The following GARRE1 variants were observed in gnomAD, a reference collection of about 807,000 sequenced individuals.
The protein encoded by GARRE1 is granule associated Rac and RHOG effector 1.
Under a neutral mutation model 103.2 loss-of-function variants are expected in GARRE1, and 49 were observed. The observed-to-expected ratio is 0.47, with a 90% CI of 0.38 to 0.60. GARRE1 has a LOEUF of 0.60. Among genes scored for constraint, GARRE1 ranks in the 20% least tolerant of loss-of-function variants. The pLI is 0.00. For missense variants in GARRE1, 1,199 were observed against 1,370.5 expected, an observed-to-expected ratio of 0.87 and a Z score of 1.98; for synonymous variants, 505 against 532.8, an observed-to-expected ratio of 0.95 and a Z score of 0.72.
intron 1 of GARRE1, among the ~76,000 whole-genome samples, chr19:34,271,037 T>C (rs1261660412): frequency 1.3e-5 from 2 of 152,190 alleles, no homozygotes; most frequent in African/African-American, 2.4e-5. Context: ...TTTCCCCACT[T>C]GTTGAGAACC....
At chr19:34,273,058 C>T (rs1436200376) in intron 1 of GARRE1, among the ~76,000 whole-genome samples, 1 of 152,162 alleles carries the variant, frequency 6.6e-6, no homozygotes, top group Non-Finnish European at 1.5e-5. Context: ...CAAAAATTAG[C>T]CAGGTGTGTG....
Position 34,353,018 on chromosome 19 carries a change from C to T in GARRE1, c.*63C>T. The T allele has an allele frequency of 2.8e-6, 4 of 1,415,552 alleles. No homozygotes were observed. Among genetic ancestry groups the T allele is most frequent in the Non-Finnish European group, 3.8e-6 (4 of 1,060,674 alleles). 87.7% of individuals were successfully genotyped at this position (1,415,552 alleles called of 1,614,324 possible). On this transcript the variant is annotated 3_prime_UTR_variant, in exon 14 of 14. Transcript: ENST00000299505. ...CGCCCAGAGCTGTGGGGATGAGTGT[C>T]CCCACCCCAGGGCCACTTAGCTGAC...
chr19:34,302,410 A>G (rs2073984830), intron 2 of GARRE1, among the ~76,000 whole-genome samples: 1 of 146,154 alleles, frequency 6.8e-6, no homozygotes, highest in Non-Finnish European at 1.5e-5. Context: ...TCTCTGCCTC[A>G]GCCTCCCGAG....
At chr19:34,288,480 T>C (rs1354507826) in intron 1 of GARRE1, among the ~76,000 whole-genome samples, 1 of 152,178 alleles carries the variant, frequency 6.6e-6, no homozygotes, top group Non-Finnish European at 1.5e-5. Flanking sequence ...CAGAATTGCT[T>C]TCGTCTGGGC....
chr19:34,260,211 A>G (rs1239531524), intron 1 of GARRE1, among the ~76,000 whole-genome samples: 1 of 152,242 alleles, frequency 6.6e-6, no homozygotes, highest in Non-Finnish European at 1.5e-5. Flanking sequence ...AAAGTTTACC[A>G]CTTGCTGAAG....
At position 34,255,461 on chromosome 19, in the gene GARRE1, A is replaced by T. The variant is rs1254088928; in HGVS notation, c.-796+847A>T. 3.3e-5 allele frequency among the ~76,000 whole-genome samples: 5 copies of T among 152,228 alleles called. No individual in the cohort carries two copies. In the South Asian group the frequency reaches 1.0e-3, roughly 31 times the overall value. On this transcript the variant is annotated intron_variant, in intron 1 of 13. Coordinates refer to ENST00000299505, the MANE Select transcript of GARRE1 (RefSeq NM_014686.5). ...CTGGCAAAACACTCAAGACGACACA[A>T]AAAGTCTTAAGGTAGAAAATGACAG... is the stretch of plus-strand genomic sequence containing the variant.
intron 12 of GARRE1, among the ~76,000 whole-genome samples, chr19:34,350,004 A>C (rs1035331495): frequency 5.3e-5 from 8 of 152,204 alleles, no homozygotes; most frequent in African/African-American, 1.9e-4. Context: ...GGCTACAGTG[A>C]GCTGTGTTTG....
At chr19:34,294,211 C>T (rs992821084) in intron 1 of GARRE1, among the ~76,000 whole-genome samples, 3 of 150,770 alleles carry the variant, frequency 2.0e-5, no homozygotes, top group Admixed American at 6.6e-5. Context: ...CTTGGGGTCA[C>T]GAGTTCAAGG....
Position 34,351,538 on chromosome 19 carries a change from C to G in GARRE1, c.2850C>G (p.Asp950Glu), listed in dbSNP as rs1402547498. The G allele has an allele frequency of 6.2e-7, 1 of 1,614,004 alleles. No individual in the cohort carries two copies. Among genetic ancestry groups the G allele is most frequent in the Non-Finnish European group, 8.5e-7 (1 of 1,179,936 alleles). Residue 950 changes from aspartate (D) to glutamate (E), a missense_variant, in exon 13 of 14, where the codon GAC becomes GAG. Asp to Glu is a conservative substitution (Grantham distance 45). Coordinates refer to ENST00000299505, the MANE Select transcript of GARRE1 (RefSeq NM_014686.5). The stretch of plus-strand genomic sequence containing the variant: ...GGAAACACAGCAGTGGAGAGCAAGA[C>G]ACCAGCACGCTGCCCTCACCACCTC... ...QRRKHSSGEQ[D>E]TSTLPSPPLL...
chr19:34,351,668 T>C, intron 13 of GARRE1, 76 bp downstream of exon 13: 1 of 969,594 alleles, frequency 1.0e-6, no homozygotes, highest in Non-Finnish European at 1.6e-6. Flanking sequence ...CTCAAAGTAA[T>C]GAGGGATCTT....
intron 1 of GARRE1, among the ~76,000 whole-genome samples, chr19:34,279,751 C>T (rs1178447039): frequency 2.0e-5 from 3 of 151,770 alleles, no homozygotes; most frequent in Middle Eastern, 3.4e-3. Flanking sequence ...TTTGGGAGGC[C>T]GAGGCGGGCG....
At chr19:34,351,394 G>A (rs763372735) in intron 12 of GARRE1, 120 bp from the exon 13 acceptor site, 51 of 764,492 alleles carry the variant, frequency 6.7e-5, no homozygotes, top group South Asian at 3.0e-4. Flanking sequence ...ACCCAGGCAG[G>A]CCTCCTCCCC....
chr19:34,346,054 G>A (rs975373743), intron 10 of GARRE1, among the ~76,000 whole-genome samples: 1 of 152,144 alleles, frequency 6.6e-6, no homozygotes, highest in Non-Finnish European at 1.5e-5. Flanking sequence ...GAATCAGAGG[G>A]CGCCATCTAG....
intron 2 of GARRE1, among the ~76,000 whole-genome samples, chr19:34,302,219 C>A (rs2073983340): frequency 6.8e-6 from 1 of 147,524 alleles, no homozygotes; most frequent in African/African-American, 2.5e-5. Context: ...CTCAAACTCG[C>A]AACTTCAGGT....
At chr19:34,280,816 G>A (rs1338559043) in intron 1 of GARRE1, among the ~76,000 whole-genome samples, 8 of 151,902 alleles carry the variant, frequency 5.3e-5, no homozygotes, top group Non-Finnish European at 8.8e-5. Context: ...GGGGCTTATC[G>A]GAAAAATTTC....
intron 1 of GARRE1, among the ~76,000 whole-genome samples, chr19:34,256,254 G>GTT (rs1404809712): frequency 6.6e-6 from 1 of 151,610 alleles, no homozygotes; most frequent in Admixed American, 6.6e-5. Context: ...GCTCATGCCT[G>GTT]TAATCCCAGC....
chr19:34,331,812 GGCGAAACCTCGTCTCTA>G (rs1484593594), intron 7 of GARRE1, among the ~76,000 whole-genome samples: 5 of 152,102 alleles, frequency 3.3e-5, no homozygotes, highest in African/African-American at 1.2e-4. Context: ...TGGCCAATAT[GGCGAAACCTCGTCTCTA>G]AAAATACAAA....
At chr19:34,347,463 G>A (rs746063872) in intron 10 of GARRE1, among the ~76,000 whole-genome samples, 1 of 152,216 alleles carries the variant, frequency 6.6e-6, no homozygotes, top group African/African-American at 2.4e-5. Flanking sequence ...CTGGGCTCAA[G>A]CGATCTGCCC....
chr19:34,292,991 G>T (rs1228616459), intron 1 of GARRE1, among the ~76,000 whole-genome samples: 1 of 152,134 alleles, frequency 6.6e-6, no homozygotes, highest in Non-Finnish European at 1.5e-5. Flanking sequence ...TTACAGTCAT[G>T]AGCTACTGAA....
Sources: gnomAD v4.1 joint callset for allele counts (sites outside exome capture counted in the v4.1 genomes callset) on GRCh38, gnomAD v4.1.1 for gene constraint, MANE v1.5 for transcripts, NCBI Gene and HGNC (gene_info 2026-07-23, HGNC 2026-07-21) for gene names.